The following NACC2 variants were observed in gnomAD, a reference collection of about 807,000 sequenced individuals.
NACC2 encodes NACC family member 2, also known as nucleus accumbens-associated protein 2.
Under a neutral mutation model 25.1 loss-of-function variants are expected in NACC2, and 8 were observed. That is an observed-to-expected ratio of 0.32 (90% CI 0.19 to 0.57). The LOEUF (loss-of-function observed/expected upper bound fraction) is 0.57, where lower values mean the gene tolerates loss of function less well. Among genes scored for constraint, NACC2 ranks in the 20% least tolerant of loss-of-function variants. The probability of loss-of-function intolerance (pLI) is 0.89; values close to 1 mark genes in which losing one functional copy is unlikely to be tolerated. For synonymous variants in NACC2, 435 were observed against 294.7 expected (o/e 1.48, Z -4.88); for missense variants, 644 against 650.2 (o/e 0.99, Z 0.10).
intron 2 of NACC2, among the ~76,000 whole-genome samples, chr9:136,026,584 G>A (rs1430646268): frequency 2.0e-5 from 3 of 152,036 alleles, no homozygotes; most frequent in Admixed American, 6.6e-5. Flanking sequence ...GTGAGGTAAC[G>A]CAGGAGACAG....
chr9:136,050,992 C>T (rs1210789039), intron 1 of NACC2, among the ~76,000 whole-genome samples: 1 of 152,212 alleles, frequency 6.6e-6, no homozygotes, highest in Non-Finnish European at 1.5e-5. Flanking sequence ...TTCCAGCCCG[C>T]ACAGGAGCTC....
At chr9:136,078,758 A>T (rs944093442) in intron 1 of NACC2, among the ~76,000 whole-genome samples, 1 of 152,226 alleles carries the variant, frequency 6.6e-6, no homozygotes, top group African/African-American at 2.4e-5. Flanking sequence ...TGTCATCACG[A>T]GTGTGGCACC....
chr9:136,056,537 C>G (rs936109117), intron 1 of NACC2, among the ~76,000 whole-genome samples: 9 of 152,216 alleles, frequency 5.9e-5, no homozygotes, highest in Non-Finnish European at 8.8e-5. Flanking sequence ...CCCCGCCCAA[C>G]AGACCCCGGG....
chr9:136,016,172 G>T, intron 3 of NACC2, 93 bp downstream of exon 3: 1 of 1,381,574 alleles, frequency 7.2e-7, no homozygotes, highest in South Asian at 1.3e-5. Context: ...TGACTGATTG[G>T]TGATGAGTAC....
rs974923812 is a variant in NACC2 at position 136,007,390 on chromosome 9, T to G, written c.*4126A>C. On this transcript the variant is annotated 3_prime_UTR_variant, in exon 6 of 6. Transcript: ENST00000277554. ...GCGTGCACACATACACAGACACGCG[T>G]GCAGAGACACGCACGTGCACACAGA... 1 of 147,670 alleles carries G rather than the reference T, an allele frequency of 6.8e-6. No individual in the cohort carries two copies. The highest frequency in any genetic ancestry group is 2.0e-4 in the East Asian group (1 of 4,930). The allele number at this position is 147,670 out of a possible 1,614,324, so 9.1% of individuals were successfully genotyped here. A position where few individuals can be genotyped will look rare whatever the true frequency, so the allele number is the denominator to read the frequency against.
At chr9:136,066,187 C>A (rs1438766887) in intron 1 of NACC2, among the ~76,000 whole-genome samples, 1 of 120,064 alleles carries the variant, frequency 8.3e-6, no homozygotes, top group Non-Finnish European at 1.8e-5. Context: ...AGTGAAACCC[C>A]ATCTCAAAAA....
intron 1 of NACC2, among the ~76,000 whole-genome samples, chr9:136,073,151 G>A (rs1444345719): frequency 6.6e-6 from 1 of 152,160 alleles, no homozygotes; most frequent in East Asian, 1.9e-4. Flanking sequence ...TAATTGGCCG[G>A]GTATGGTGGC....
At chr9:136,025,758 C>CA (rs907845776) in intron 2 of NACC2, among the ~76,000 whole-genome samples, 51 of 151,530 alleles carry the variant, frequency 3.4e-4, no homozygotes, top group Middle Eastern at 3.4e-3. Context: ...ACTAAAAATA[C>CA]AAAAAAATTA....
chr9:136,082,641 C>T (rs917239290), intron 1 of NACC2, among the ~76,000 whole-genome samples: 3 of 144,196 alleles, frequency 2.1e-5, no homozygotes, highest in South Asian at 2.3e-4. Context: ...CCGCCAGGCC[C>T]GCGCTGCCTC....
intron 1 of NACC2, among the ~76,000 whole-genome samples, chr9:136,059,853 G>A (rs557761081): frequency 3.3e-4 from 51 of 152,266 alleles, no homozygotes; most frequent in African/African-American, 1.0e-3. Context: ...TCCCTACCTC[G>A]CCGTCAAAAG....
rs1840907310 is a variant in NACC2 at position 136,055,258 on chromosome 9, C to T, written c.-59-4678G>A. Among the ~76,000 whole-genome samples, 2 of 152,180 alleles carry T rather than the reference C, an allele frequency of 1.3e-5. No homozygotes were observed. Among genetic ancestry groups the T allele is most frequent in the Non-Finnish European group, 2.9e-5 (2 of 68,026 alleles). On this transcript the variant is annotated intron_variant, in intron 1 of 5. Coordinates refer to ENST00000277554, the MANE Select transcript of NACC2 (RefSeq NM_144653.5). This position sits in a 1 kb window ranked among gnomAD's most constrained non-coding sequence, Gnocchi z 4.9. Reference sequence around the variant, plus strand: ...GCGCACACAGGGGTTGGGGCAGCGTCTCCAGAACGACCCCCCTGCCTGAGT... The same window carrying T: ...GCGCACACAGGGGTTGGGGCAGCGTTTCCAGAACGACCCCCCTGCCTGAGT...
At position 136,055,634 on chromosome 9, in the gene NACC2, G is replaced by A. The variant is rs1373465753; in HGVS notation, c.-59-5054C>T. Among the ~76,000 whole-genome samples, 21 of 152,230 alleles carry A rather than the reference G, an allele frequency of 1.4e-4. No homozygotes were observed. Among genetic ancestry groups the A allele is most frequent in the Admixed American group, 1.4e-3 (21 of 15,282 alleles). On this transcript the variant is annotated intron_variant, in intron 1 of 5. Transcript: ENST00000277554. The surrounding 1 kb of genome is among the most constrained non-coding windows in gnomAD (Gnocchi z 4.9). ...GCAGGATCACCACCAGCAAGGGGAA[G>A]GGAGGCGAGAAAAATTAAATTAAAT...
intron 3 of NACC2, among the ~76,000 whole-genome samples, chr9:136,014,434 A>T (rs1305684371): frequency 1.3e-5 from 2 of 152,162 alleles, no homozygotes; most frequent in Non-Finnish European, 2.9e-5. Context: ...CCCCCTGAGT[A>T]GCCGGGACCA....
intron 1 of NACC2, among the ~76,000 whole-genome samples, chr9:136,083,799 C>T (rs1208547492): frequency 6.6e-6 from 1 of 152,246 alleles, no homozygotes; most frequent in African/African-American, 2.4e-5. Flanking sequence ...ACGTTCCGGC[C>T]GCCCACGACA....
At chr9:136,047,606 C>T (rs2131160086) in intron 2 of NACC2, among the ~76,000 whole-genome samples, 1 of 152,340 alleles carries the variant, frequency 6.6e-6, no homozygotes, top group African/African-American at 2.4e-5. Context: ...TTGAGGGTGT[C>T]CCCACCCCTC....
chr9:136,060,241 C>T (rs539502634), intron 1 of NACC2, among the ~76,000 whole-genome samples: 1 of 152,374 alleles, frequency 6.6e-6, no homozygotes, highest in African/African-American at 2.4e-5. Context: ...TCTCCCAAAG[C>T]TCTTTTGCAA....
At chr9:136,095,001 T>C (rs1830474770) in intron 1 of NACC2, among the ~76,000 whole-genome samples, 188 bp downstream of exon 1, 1 of 144,896 alleles carries the variant, frequency 6.9e-6, no homozygotes, top group South Asian at 2.1e-4. Context: ...CCGAGGCCGG[T>C]TCCCGCGCGC....
Position 136,069,380 on chromosome 9 carries a change from C to T in NACC2, c.-59-18800G>A, listed in dbSNP as rs12000338. Among the ~76,000 whole-genome samples the T allele has an allele frequency of 2.8e-4, 42 of 150,652 alleles. 1 individual carries two copies. The highest frequency in any genetic ancestry group is 9.9e-4 in the African/African-American group (40 of 40,222). ...CCTGGCCAACATGGTGAAACCCCTT[C>T]TCTACTAAAAATACAAAAATTAGCC... On this transcript the variant is annotated intron_variant, in intron 1 of 5. Transcript: ENST00000277554.
chr9:136,014,032 C>T lies in NACC2; in HGVS notation c.1052-63G>A, dbSNP rs555705394. The T allele has an allele frequency of 5.9e-6, 5 of 852,990 alleles. No individual in the cohort carries two copies. The African/African-American group carries it at 7.3e-5, about 12-fold the overall frequency. 52.8% of individuals were successfully genotyped at this position (852,990 alleles called of 1,614,324 possible). On this transcript the variant is annotated intron_variant, in intron 3 of 5. Transcript: ENST00000277554. ...CCGGGCCATAGGGTCCGAAGAGGCG[C>T]ACAGATGGGTGAGGGGGAGGGGGGG...
Sources: allele counts gnomAD v4.1 joint callset (sites outside exome capture counted in the v4.1 genomes callset), GRCh38; gene constraint gnomAD v4.1.1; non-coding constraint Gnocchi (gnomAD v3.1); transcripts MANE v1.5; gene names NCBI Gene and HGNC (gene_info 2026-07-23, HGNC 2026-07-21).